The following MARCHF1 variants were observed in gnomAD, a reference collection of about 807,000 sequenced individuals.
MARCHF1 encodes E3 ubiquitin-protein ligase MARCHF1.
A neutral mutation model predicts 54.2 loss-of-function variants in MARCHF1; 40 were observed. The ratio of observed to expected loss-of-function variants is 0.74; its 90% CI spans 0.57 to 0.96. The LOEUF (loss-of-function observed/expected upper bound fraction) is 0.96, where lower values mean the gene tolerates loss of function less well. MARCHF1 is among the 40% of genes least tolerant of loss of function. The probability of loss-of-function intolerance (pLI) is 0.00; values close to 1 mark genes in which losing one functional copy is unlikely to be tolerated. For missense variants in MARCHF1, 586 were observed against 656.5 expected (o/e 0.89, Z 1.17); for synonymous variants, 236 against 236.3 (o/e 1.00, Z 0.01).
At chr4:164,196,768 T>G (rs1560948844) in intron 1 of MARCHF1, among the ~76,000 whole-genome samples, 1 of 152,128 alleles carries the variant, frequency 6.6e-6, no homozygotes, top group Non-Finnish European at 1.5e-5. Flanking sequence ...AATATTATTT[T>G]ATTTGGCAGT....
chr4:163,813,262 A>G (rs1369899765), intron 4 of MARCHF1, among the ~76,000 whole-genome samples: 1 of 152,230 alleles, frequency 6.6e-6, no homozygotes, highest in Non-Finnish European at 1.5e-5. Flanking sequence ...CTAAAATTCA[A>G]ACCCATATTT....
At chr4:164,123,311 C>A (rs1011014726) in intron 1 of MARCHF1, among the ~76,000 whole-genome samples, 3 of 151,898 alleles carry the variant, frequency 2.0e-5, no homozygotes, top group African/African-American at 7.3e-5. Context: ...TTGAAGAGGA[C>A]CCCAAAAGAT....
chr4:163,932,619 G>C, intron 3 of MARCHF1: 1 of 421,672 alleles, frequency 2.4e-6, no homozygotes, highest in Non-Finnish European at 4.7e-6. Flanking sequence ...GCAGGGCACC[G>C]AGCTGTCCTA....
At chr4:164,273,505 A>G (rs541075898) in intron 1 of MARCHF1, among the ~76,000 whole-genome samples, 38 of 152,286 alleles carry the variant, frequency 2.5e-4, no homozygotes, top group African/African-American at 9.1e-4. Flanking sequence ...AAACTCAGAG[A>G]AAAATACTAG....
chr4:163,946,923 A>T (rs1014408709), intron 3 of MARCHF1, among the ~76,000 whole-genome samples: 1 of 152,228 alleles, frequency 6.6e-6, no homozygotes, highest in African/African-American at 2.4e-5. Context: ...TACCCTATCA[A>T]ATTCTATAAA....
chr4:163,784,859 AC>A (rs140668099), intron 4 of MARCHF1, among the ~76,000 whole-genome samples: 121,091 of 151,898 alleles, frequency 0.8, 50,058 homozygotes, highest in East Asian at 0.94. Flanking sequence ...TCTGATTCCC[AC>A]AAAAATATAT....
At chr4:163,785,352 A>G (rs150668984) in intron 4 of MARCHF1, among the ~76,000 whole-genome samples, 78 of 152,256 alleles carry the variant, frequency 5.1e-4, no homozygotes, top group African/African-American at 1.9e-3. Flanking sequence ...ATCCATTTGT[A>G]TAGCTTGCTC....
intron 1 of MARCHF1, among the ~76,000 whole-genome samples, chr4:164,114,325 CATT>C (rs1471449960): frequency 6.6e-6 from 1 of 151,814 alleles, no homozygotes; most frequent in Non-Finnish European, 1.5e-5. Context: ...TTGCCATTCA[CATT>C]ATTTTCTTAT....
intron 1 of MARCHF1, among the ~76,000 whole-genome samples, chr4:164,146,501 C>A (rs1179951026): frequency 6.6e-6 from 1 of 152,068 alleles, no homozygotes; most frequent in Admixed American, 6.6e-5. Flanking sequence ...CAGAACAGAG[C>A]CCTCAGAAAT....
intron 1 of MARCHF1, among the ~76,000 whole-genome samples, chr4:164,174,963 G>A (rs1200730758): frequency 2.0e-5 from 3 of 152,114 alleles, no homozygotes; most frequent in Admixed American, 2.0e-4. Flanking sequence ...TCCAGATGGT[G>A]TATGTAAGGA....
chr4:163,555,200 T>C (rs542368353), intron 8 of MARCHF1, among the ~76,000 whole-genome samples: 1 of 152,338 alleles, frequency 6.6e-6, no homozygotes, highest in South Asian at 2.1e-4. Flanking sequence ...AAAGTTAAAA[T>C]TGCAAATTCC....
intron 1 of MARCHF1, among the ~76,000 whole-genome samples, chr4:164,277,437 C>A (rs1185466824): frequency 1.3e-5 from 2 of 152,218 alleles, no homozygotes; most frequent in Non-Finnish European, 2.9e-5. Flanking sequence ...ACTTCTCCAG[C>A]CTCTTTTCAA....
chr4:163,998,600 C>G (rs1193315583), intron 2 of MARCHF1, among the ~76,000 whole-genome samples: 2 of 151,598 alleles, frequency 1.3e-5, no homozygotes, highest in Non-Finnish European at 3.0e-5. Context: ...TATCTTCTAT[C>G]TAACTAAAAT....
At chr4:163,620,676 A>C (rs914249197) in intron 5 of MARCHF1, among the ~76,000 whole-genome samples, 3 of 151,530 alleles carry the variant, frequency 2.0e-5, no homozygotes, top group African/African-American at 7.3e-5. Context: ...CATTTATAGA[A>C]TATATTTTTA....
intron 1 of MARCHF1, among the ~76,000 whole-genome samples, chr4:164,339,479 G>T (rs964195086): frequency 1.2e-4 from 18 of 151,990 alleles, no homozygotes; most frequent in Non-Finnish European, 2.2e-4. Flanking sequence ...AACAACCAAT[G>T]ATCCAAAACT....
chr4:164,102,573 T>G (rs879615184), intron 2 of MARCHF1, among the ~76,000 whole-genome samples: 1 of 150,578 alleles, frequency 6.6e-6, no homozygotes, highest in African/African-American at 2.4e-5. Flanking sequence ...CTGAGAGATT[T>G]TGTCACCACC....
intron 1 of MARCHF1, among the ~76,000 whole-genome samples, chr4:164,161,975 T>C (rs973541283): frequency 6.6e-6 from 1 of 152,076 alleles, no homozygotes; most frequent in Admixed American, 6.6e-5. Context: ...AAAATTCCCA[T>C]AAATGAAGCT....
intron 3 of MARCHF1, among the ~76,000 whole-genome samples, chr4:163,935,466 CT>C (rs773026101): frequency 6.6e-6 from 1 of 152,156 alleles, no homozygotes; most frequent in African/African-American, 2.4e-5. Context: ...GCTGCCTCAC[CT>C]TGCTCTTTAT....
At chr4:164,340,836 G>A (rs907543759) in intron 1 of MARCHF1, among the ~76,000 whole-genome samples, 1 of 151,064 alleles carries the variant, frequency 6.6e-6, no homozygotes, top group African/African-American at 2.4e-5. Context: ...ACGATTACAG[G>A]TGTGAGCCAC....
Sources: gnomAD v4.1 joint callset for allele counts (sites outside exome capture counted in the v4.1 genomes callset) on GRCh38, gnomAD v4.1.1 for gene constraint, MANE v1.5 for transcripts, NCBI Gene and HGNC (gene_info 2026-07-23, HGNC 2026-07-21) for gene names.